The following MOB3B variants were observed in gnomAD, a reference collection of about 807,000 sequenced individuals.
MOB3B encodes the protein MOB kinase activator-like 2B.
Under a neutral mutation model 18.7 loss-of-function variants are expected in MOB3B, and 7 were observed. The ratio of observed to expected loss-of-function variants is 0.37; its 90% CI spans 0.21 to 0.70. The LOEUF (loss-of-function observed/expected upper bound fraction) is 0.70. Among genes scored for constraint, MOB3B ranks in the 30% least tolerant of loss-of-function variants. The pLI is 0.52. For missense variants in MOB3B, 253 were observed against 281.3 expected (o/e 0.90, Z 0.72); for synonymous variants, 111 against 99.9 (o/e 1.11, Z -0.66).
chr9:27,523,892 C>T (rs1321079985), intron 1 of MOB3B, among the ~76,000 whole-genome samples: 1 of 152,076 alleles, frequency 6.6e-6, no homozygotes, highest in African/African-American at 2.4e-5. Context: ...TTGGCTATAG[C>T]ACCAGGTACA....
At chr9:27,503,399 G>A (rs986920713) in intron 1 of MOB3B, among the ~76,000 whole-genome samples, 3 of 152,150 alleles carry the variant, frequency 2.0e-5, no homozygotes, top group African/African-American at 4.8e-5. Context: ...TCAACTTCTC[G>A]CAAATTAATA....
chr9:27,451,591 T>C (rs910200736), intron 2 of MOB3B, among the ~76,000 whole-genome samples: 1 of 152,224 alleles, frequency 6.6e-6, no homozygotes, highest in African/African-American at 2.4e-5. Flanking sequence ...CTTTCACATC[T>C]GTCAGTATTT....
chr9:27,448,652 G>A (rs559608032), intron 2 of MOB3B, among the ~76,000 whole-genome samples: 21 of 152,272 alleles, frequency 1.4e-4, no homozygotes, highest in African/African-American at 5.1e-4. Flanking sequence ...GATGAGATTT[G>A]GGGTGGGACA....
chr9:27,391,541 C>G (rs1420613872), intron 2 of MOB3B, among the ~76,000 whole-genome samples: 1 of 152,226 alleles, frequency 6.6e-6, no homozygotes, highest in Non-Finnish European at 1.5e-5. Context: ...AAACCATAGA[C>G]ATCAATTATT....
chr9:27,372,034 T>TCAGTG (rs1181388573), intron 2 of MOB3B, among the ~76,000 whole-genome samples: 1 of 152,156 alleles, frequency 6.6e-6, no homozygotes, highest in Non-Finnish European at 1.5e-5. Context: ...AGAAAAACAC[T>TCAGTG]CTCGTAGCAC....
At chr9:27,475,801 A>C (rs533063038) in intron 1 of MOB3B, among the ~76,000 whole-genome samples, 2 of 152,100 alleles carry the variant, frequency 1.3e-5, no homozygotes, top group Non-Finnish European at 2.9e-5. Context: ...AACACATCCC[A>C]AACTCCTCAC....
chr9:27,416,858 G>A (rs1822158260), intron 2 of MOB3B, among the ~76,000 whole-genome samples: 1 of 151,904 alleles, frequency 6.6e-6, no homozygotes, highest in Non-Finnish European at 1.5e-5. Flanking sequence ...GCTTTTCTTC[G>A]TAAAACAGAA....
chr9:27,379,182 C>A (rs1255726388), intron 2 of MOB3B, among the ~76,000 whole-genome samples: 2 of 152,156 alleles, frequency 1.3e-5, no homozygotes, highest in Non-Finnish European at 2.9e-5. Flanking sequence ...TTGCATGTTA[C>A]CATCTCCTGC....
At chr9:27,430,482 C>T (rs1342156289) in intron 2 of MOB3B, among the ~76,000 whole-genome samples, 4 of 152,122 alleles carry the variant, frequency 2.6e-5, no homozygotes, top group Admixed American at 1.3e-4. Flanking sequence ...GGACTCTGAG[C>T]CTTTCACCCA....
chr9:27,396,936 C>G (rs1821809216), intron 2 of MOB3B: 1 of 152,180 alleles, frequency 6.6e-6, no homozygotes, highest in Non-Finnish European at 1.5e-5. Flanking sequence ...TTGTGCAAGG[C>G]CAAACACCAA....
chr9:27,384,979 T>C (rs933966534), intron 2 of MOB3B, among the ~76,000 whole-genome samples: 7 of 152,106 alleles, frequency 4.6e-5, no homozygotes, highest in Non-Finnish European at 7.4e-5. Flanking sequence ...GCAGTCCCTG[T>C]CAAGAGGAAG....
At chr9:27,498,300 G>C (rs914093754) in intron 1 of MOB3B, among the ~76,000 whole-genome samples, 1 of 152,140 alleles carries the variant, frequency 6.6e-6, no homozygotes, top group Non-Finnish European at 1.5e-5. Context: ...CGTTTTCCAA[G>C]CTACTCCCCA....
chr9:27,334,980 C>A (rs558878772), intron 3 of MOB3B, among the ~76,000 whole-genome samples: 1 of 152,166 alleles, frequency 6.6e-6, no homozygotes. Flanking sequence ...CCCGCCACCA[C>A]GCCCGGCTAA....
chr9:27,358,252 T>C (rs1357354554), intron 3 of MOB3B, among the ~76,000 whole-genome samples: 1 of 152,130 alleles, frequency 6.6e-6, no homozygotes, highest in Non-Finnish European at 1.5e-5. Flanking sequence ...GGGTATAATA[T>C]AGTACTCAAC....
At chr9:27,349,299 T>G (rs1488614554) in intron 3 of MOB3B, among the ~76,000 whole-genome samples, 1 of 152,242 alleles carries the variant, frequency 6.6e-6, no homozygotes, top group African/African-American at 2.4e-5. Context: ...GTCCCTAGGC[T>G]AGGTACTGCC....
At chr9:27,408,015 G>C (rs1256531601) in intron 2 of MOB3B, among the ~76,000 whole-genome samples, 1 of 152,142 alleles carries the variant, frequency 6.6e-6, no homozygotes, top group African/African-American at 2.4e-5. Flanking sequence ...TATCTCCAGA[G>C]ACTGTTTCTG....
At chr9:27,375,793 G>A (rs1821481414) in intron 2 of MOB3B, among the ~76,000 whole-genome samples, 1 of 152,154 alleles carries the variant, frequency 6.6e-6, no homozygotes, top group Non-Finnish European at 1.5e-5. Flanking sequence ...AAAGGCATTA[G>A]CACCCATTGG....
rs577801764 is a variant in MOB3B, at chr9:27,329,083, C to G, written c.*1504G>C. 1 of 152,300 alleles carries G rather than the reference C, an allele frequency of 6.6e-6. No homozygotes were observed. Among genetic ancestry groups the G allele is most frequent in the African/African-American group, 2.4e-5 (1 of 41,550 alleles). The allele number at this position is 152,300 out of a possible 1,614,324, so 9.4% of individuals were successfully genotyped here. A position where few individuals can be genotyped will look rare whatever the true frequency, so the allele number is the denominator to read the frequency against. ...ATTTCATGATTCTAGTCTTTTGTGGCAGCCACAGAGGGCTTTAACACATTA... is the reference window on the plus strand; with the variant it reads ...ATTTCATGATTCTAGTCTTTTGTGGGAGCCACAGAGGGCTTTAACACATTA... On this transcript the variant is annotated 3_prime_UTR_variant, in exon 4 of 4. Coordinates refer to ENST00000262244, the MANE Select transcript of MOB3B (RefSeq NM_024761.5).
At chr9:27,420,351 C>A (rs188427701) in intron 2 of MOB3B, among the ~76,000 whole-genome samples, 1 of 151,842 alleles carries the variant, frequency 6.6e-6, no homozygotes, top group Non-Finnish European at 1.5e-5. Flanking sequence ...AAGATATTTG[C>A]ACACACATGT....
Sources: gnomAD v4.1 joint callset for allele counts (sites outside exome capture counted in the v4.1 genomes callset) on GRCh38, gnomAD v4.1.1 for gene constraint, MANE v1.5 for transcripts, NCBI Gene and HGNC (gene_info 2026-07-23, HGNC 2026-07-21) for gene names.